Variants in PHACTR1 observed in about 807,000 individuals in gnomAD.
PHACTR1 encodes the protein RPEL repeat containing 1.
In PHACTR1, 16 loss-of-function variants were observed where a neutral mutation model predicts 69.2. The ratio of observed to expected loss-of-function variants is 0.23; its 90% confidence interval spans 0.16 to 0.35. The LOEUF is 0.35. PHACTR1 is among the 10% of genes least tolerant of loss of function. PHACTR1 has a pLI of 1.00. For missense variants in PHACTR1, 510 were observed against 734.7 expected (o/e 0.69, Z 3.54); for synonymous variants, 312 against 284.5 (o/e 1.10, Z -0.97).
intron 5 of PHACTR1, among the ~76,000 whole-genome samples, chr6:13,151,473 T>A (rs930077932): frequency 1.3e-5 from 2 of 152,234 alleles, no homozygotes; most frequent in African/African-American, 4.8e-5. Context: ...CTATATATTC[T>A]AGAAAAATCC....
At chr6:12,954,245 C>T (rs917364014) in intron 4 of PHACTR1, among the ~76,000 whole-genome samples, 1 of 151,766 alleles carries the variant, frequency 6.6e-6, no homozygotes, top group Non-Finnish European at 1.5e-5. Context: ...GGAAATGCTC[C>T]CAGGGCCACT....
Position 13,182,615 on chromosome 6 carries a change from A to T in PHACTR1, c.593A>T (p.Glu198Val). ...TCTCTGCCTGCCCTGTCCGAAATGGAGCCAGTCCCAATGCCCAGGGATCCC... is the reference window on the plus strand; with the variant it reads ...TCTCTGCCTGCCCTGTCCGAAATGGTGCCAGTCCCAATGCCCAGGGATCCC... ...QLSLPALSEMEPVPMPRDPCS... is the reference protein window; with the variant it reads ...QLSLPALSEMVPVPMPRDPCS... The change falls in exon 7 of 15, where the codon GAG becomes GTG. Residue 198 changes from glutamate (E) to valine (V), a missense_variant. Transcript: ENST00000332995. The T allele has an allele frequency of 6.2e-7, 1 of 1,611,824 alleles. No individual in the cohort carries two copies. The highest frequency in any genetic ancestry group is 2.2e-5 in the East Asian group (1 of 44,764).
At chr6:13,197,780 C>T (rs371464232) in intron 7 of PHACTR1, among the ~76,000 whole-genome samples, 1 of 152,196 alleles carries the variant, frequency 6.6e-6, no homozygotes, top group Non-Finnish European at 1.5e-5. Context: ...AGCCTCTGCA[C>T]CTCCTTCCCA....
intron 4 of PHACTR1, among the ~76,000 whole-genome samples, chr6:12,982,316 C>T (rs1795617612): frequency 6.6e-6 from 1 of 152,314 alleles, no homozygotes; most frequent in South Asian, 2.1e-4. Context: ...CTGCTTAGAA[C>T]CCTGTTTAGT....
At chr6:12,796,594 T>C (rs771642088) in intron 4 of PHACTR1, among the ~76,000 whole-genome samples, 2 of 152,218 alleles carry the variant, frequency 1.3e-5, no homozygotes, top group Admixed American at 6.5e-5. Context: ...TCCCCACATA[T>C]CTGCTAGGCA....
At chr6:13,226,971 C>G (rs1034054373) in intron 8 of PHACTR1, among the ~76,000 whole-genome samples, 2 of 152,098 alleles carry the variant, frequency 1.3e-5, no homozygotes, top group Non-Finnish European at 2.9e-5. Context: ...CTCTTGACCC[C>G]GTGATCCACC....
chr6:13,130,309 G>A (rs1169668227), intron 5 of PHACTR1, among the ~76,000 whole-genome samples: 1 of 151,620 alleles, frequency 6.6e-6, no homozygotes, highest in Non-Finnish European at 1.5e-5. Context: ...AAACAAAAAG[G>A]TCAGAGCAGA....
chr6:13,106,307 G>A (rs187900978), intron 5 of PHACTR1, among the ~76,000 whole-genome samples: 15 of 151,934 alleles, frequency 9.9e-5, no homozygotes, highest in Admixed American at 6.6e-4. Context: ...GATTGTGCTG[G>A]CTACTGAGGA....
At chr6:12,819,816 A>T (rs532381429) in intron 4 of PHACTR1, among the ~76,000 whole-genome samples, 1 of 152,332 alleles carries the variant, frequency 6.6e-6, no homozygotes, top group South Asian at 2.1e-4. Flanking sequence ...ATGCGAGCAG[A>T]AAGCCACTTC....
chr6:13,195,270 G>A (rs1310242657), intron 7 of PHACTR1, among the ~76,000 whole-genome samples: 1 of 152,112 alleles, frequency 6.6e-6, no homozygotes. Flanking sequence ...CCATCTTCAG[G>A]TGGAGTACCT....
intron 4 of PHACTR1, among the ~76,000 whole-genome samples, chr6:12,956,544 G>C (rs1022501390): frequency 1.3e-5 from 2 of 152,168 alleles, no homozygotes; most frequent in East Asian, 3.9e-4. Context: ...ATGGTTGAAA[G>C]TGGAGACTGG....
At chr6:13,143,514 A>G (rs1822829902) in intron 5 of PHACTR1, among the ~76,000 whole-genome samples, 1 of 152,246 alleles carries the variant, frequency 6.6e-6, no homozygotes, top group Non-Finnish European at 1.5e-5. Flanking sequence ...GAACACAGAT[A>G]CTGATTCAGT....
intron 4 of PHACTR1, among the ~76,000 whole-genome samples, chr6:12,897,855 C>T (rs1784822101): frequency 6.6e-6 from 1 of 151,958 alleles, no homozygotes; most frequent in South Asian, 2.1e-4. Context: ...CTAATGTGCT[C>T]CCTCCCCTAT....
chr6:13,043,492 CAAGGGTTAA>C (rs1355069766), intron 4 of PHACTR1, among the ~76,000 whole-genome samples: 1 of 151,934 alleles, frequency 6.6e-6, no homozygotes, highest in African/African-American at 2.4e-5. Context: ...CTCTATAGGA[CAAGGGTTAA>C]CAAGCTATGG....
At chr6:13,158,048 A>G (rs1345116684) in intron 5 of PHACTR1, among the ~76,000 whole-genome samples, 8 of 151,754 alleles carry the variant, frequency 5.3e-5, no homozygotes, top group Non-Finnish European at 1.0e-4. Context: ...CGCCCAACTA[A>G]TTTTTGTATT....
At position 12,890,543 on chromosome 6, in the gene PHACTR1, C is replaced by T. The variant is rs542005066; in HGVS notation, c.250+140753C>T. 3.3e-5 allele frequency among the ~76,000 whole-genome samples: 5 copies of T among 152,276 alleles called. No homozygotes were observed. In the South Asian group the frequency reaches 6.2e-4, roughly 19 times the overall value. On this transcript the variant is annotated intron_variant, in intron 4 of 14. Transcript: ENST00000332995. ...TTCTGTCCTTCATCCACCCCTGACT[C>T]GCTTGACCCAGCCTCATGGGCCACC...
intron 10 of PHACTR1, among the ~76,000 whole-genome samples, chr6:13,243,512 C>T (rs534258387): frequency 6.6e-6 from 1 of 152,206 alleles, no homozygotes; most frequent in East Asian, 1.9e-4. Context: ...GCCTTTCAGA[C>T]TGGCTCAGAG....
intron 4 of PHACTR1, among the ~76,000 whole-genome samples, chr6:12,822,250 G>T (rs72835691): frequency 6.6e-6 from 1 of 152,160 alleles, no homozygotes; most frequent in Non-Finnish European, 1.5e-5. Context: ...AATAGAAACT[G>T]GCCTGGAGCT....
chr6:13,002,151 C>T (rs1798166086), intron 4 of PHACTR1, among the ~76,000 whole-genome samples: 1 of 152,142 alleles, frequency 6.6e-6, no homozygotes, highest in African/African-American at 2.4e-5. Context: ...GAGCTAAGAT[C>T]ATTTTGGAGA....
Sources: gnomAD v4.1 joint callset for allele counts (sites outside exome capture counted in the v4.1 genomes callset) on GRCh38, gnomAD v4.1.1 for gene constraint, MANE v1.5 for transcripts, NCBI Gene and HGNC (gene_info 2026-07-23, HGNC 2026-07-21) for gene names.